PRDM2: variants seen among roughly 807,000 people sequenced by gnomAD.
PRDM2 encodes PR/SET domain 2, also known as PR domain zinc finger protein 2.
A neutral mutation model predicts 130.0 loss-of-function variants in PRDM2; 30 were observed. That is an observed-to-expected ratio of 0.23 (90% CI 0.17 to 0.31). PRDM2 has a LOEUF of 0.31. PRDM2 is among the 10% of genes least tolerant of loss of function. The pLI, the probability that PRDM2 is intolerant of heterozygous loss-of-function variation, is 1.00. For synonymous variants in PRDM2, 871 were observed against 782.4 expected (o/e 1.11, Z -1.89); for missense variants, 2,011 against 2,108.4 (o/e 0.95, Z 0.90).
chr1:13,808,516 G>A (rs1645121619), intron 8 of PRDM2, among the ~76,000 whole-genome samples: 1 of 149,828 alleles, frequency 6.7e-6, no homozygotes, highest in Non-Finnish European at 1.5e-5. Flanking sequence ...ACCCTTTCTT[G>A]ATGTCTAGGA....
intron 1 of PRDM2, among the ~76,000 whole-genome samples, chr1:13,702,509 G>A (rs1000353123): frequency 3.3e-5 from 5 of 152,048 alleles, no homozygotes; most frequent in Admixed American, 6.5e-5. Flanking sequence ...TTTTTCTTGC[G>A]GGTGCAGTCA....
chr1:13,702,005 C>G (rs142582051), intron 1 of PRDM2, among the ~76,000 whole-genome samples: 42 of 152,174 alleles, frequency 2.8e-4, no homozygotes, highest in African/African-American at 1.0e-3. Context: ...CAAAACATAA[C>G]AAAAGATTCT....
At chr1:13,769,725 T>C (rs562108469) in intron 6 of PRDM2, among the ~76,000 whole-genome samples, 1 of 152,306 alleles carries the variant, frequency 6.6e-6, no homozygotes, top group East Asian at 1.9e-4. Context: ...TTTAGTTTGG[T>C]GGTAAATTTA....
rs912171622 is a variant in PRDM2 at position 13,824,074 on chromosome 1, C to G, written c.*939C>G. ...GGGGAAGAAGAAGAGATTTCGGAGG[C>G]CATCCTGCCAGGGGCGGACGGGGCT... On this transcript the variant is annotated 3_prime_UTR_variant, in exon 10 of 10. Transcript: ENST00000311066. The G allele has an allele frequency of 1.3e-5, 2 of 152,730 alleles. No individual in the cohort carries two copies. Among genetic ancestry groups the G allele is most frequent in the African/African-American group, 4.8e-5 (2 of 41,552 alleles). 9.5% of individuals were successfully genotyped at this position (152,730 alleles called of 1,614,324 possible).
Position 13,806,927 on chromosome 1 carries a change from G to C in PRDM2, c.5037-9500G>C, listed in dbSNP as rs1402249432. On this transcript the variant is annotated intron_variant, in intron 8 of 9. Transcript: ENST00000311066. The surrounding 1 kb of genome is among the most constrained non-coding windows in gnomAD (Gnocchi z 4.1). ...CACTTCCTGGAACGCACAAGGCGTA[G>C]TATCCGGACCGATTGATCCCCCCAC... Among the ~76,000 whole-genome samples, 3 of 152,114 alleles carry C rather than the reference G, an allele frequency of 2.0e-5. No homozygotes were observed. Among genetic ancestry groups the C allele is most frequent in the Admixed American group, 1.3e-4 (2 of 15,280 alleles).
rs772348241 is a variant in PRDM2, at chr1:13,779,720, C to G, written c.1925C>G (p.Ala642Gly). The G allele has an allele frequency of 6.2e-7, 1 of 1,613,974 alleles. No individual in the cohort carries two copies. The highest frequency in any genetic ancestry group is 1.1e-5 in the South Asian group (1 of 91,048). Residue 642 changes from alanine to glycine, a missense_variant, in exon 8 of 10, where the codon GCG becomes GGG. This residue lies in a region of PRDM2 where 1,288 missense variants were observed against 1,237.7 expected (regional missense o/e 1.04). Coordinates refer to ENST00000311066, the MANE Select transcript of PRDM2 (RefSeq NM_001393986.1). The surrounding 1 kb of genome is among the most constrained non-coding windows in gnomAD (Gnocchi z 4.9). The part of the protein sequence containing the change: ...TNSEAKKRRT[A>G]SPPALPKIKA... ...AGTGAGGCCAAGAAGCGGAGAACTGCGAGCCCACCTGCACTGCCCAAAATT... is the reference window on the plus strand; with the variant it reads ...AGTGAGGCCAAGAAGCGGAGAACTGGGAGCCCACCTGCACTGCCCAAAATT...
chr1:13,723,439 C>G (rs1329572663), intron 2 of PRDM2, among the ~76,000 whole-genome samples: 1 of 152,134 alleles, frequency 6.6e-6, no homozygotes, highest in Non-Finnish European at 1.5e-5. Context: ...ATTGGAGATT[C>G]CTGAATAACT....
intron 6 of PRDM2, among the ~76,000 whole-genome samples, chr1:13,763,727 A>G (rs1644158542): frequency 6.6e-6 from 1 of 152,204 alleles, no homozygotes; most frequent in Non-Finnish European, 1.5e-5. Flanking sequence ...CTTTATGAAA[A>G]ATCATGTATT....
chr1:13,796,226 G>A (rs1225821365), intron 8 of PRDM2, among the ~76,000 whole-genome samples: 1 of 152,172 alleles, frequency 6.6e-6, no homozygotes, highest in Non-Finnish European at 1.5e-5. Context: ...TGAGAAGAGC[G>A]TACTCCTCAA....
At chr1:13,772,217 A>C (rs1293516747) in intron 6 of PRDM2, 1 of 152,180 alleles carries the variant, frequency 6.6e-6, no homozygotes, top group Admixed American at 6.5e-5. Context: ...GAAATCTGGT[A>C]ATTAAAAAAT....
chr1:13,817,253 CA>C (rs1038791886), intron 9 of PRDM2, among the ~76,000 whole-genome samples: 1 of 151,604 alleles, frequency 6.6e-6, no homozygotes, highest in African/African-American at 2.4e-5. Context: ...TTCCAAAATC[CA>C]AAAAAAATCC....
chr1:13,799,065 A>G (rs1271806851), intron 8 of PRDM2, among the ~76,000 whole-genome samples: 2 of 152,136 alleles, frequency 1.3e-5, no homozygotes, highest in East Asian at 3.9e-4. Context: ...AAACACAAGC[A>G]CTCCAGGCAA....
At chr1:13,789,531 T>C (rs1027860979) in intron 8 of PRDM2, among the ~76,000 whole-genome samples, 2 of 152,194 alleles carry the variant, frequency 1.3e-5, no homozygotes, top group Admixed American at 6.5e-5. Flanking sequence ...CCCCAGAGGC[T>C]AGGTGGACAA....
intron 8 of PRDM2, among the ~76,000 whole-genome samples, chr1:13,810,791 G>C (rs1645161047): frequency 1.3e-5 from 2 of 152,060 alleles, no homozygotes; most frequent in African/African-American, 4.8e-5. Flanking sequence ...ACCGCACCTG[G>C]CTGAAAGCTT....
intron 1 of PRDM2, among the ~76,000 whole-genome samples, chr1:13,706,971 TA>T (rs571158647): frequency 1.2e-3 from 173 of 140,158 alleles, no homozygotes; most frequent in Non-Finnish European, 1.4e-3. Flanking sequence ...CTACCAAAAC[TA>T]AAAAAAAAAA....
At chr1:13,730,345 T>TA (rs545170025) in intron 2 of PRDM2, among the ~76,000 whole-genome samples, 1 of 152,296 alleles carries the variant, frequency 6.6e-6, no homozygotes, top group African/African-American at 2.4e-5. Flanking sequence ...ATAAATAATT[T>TA]AAAAAAATTC....
chr1:13,776,469 C>CT (rs1461245196), intron 7 of PRDM2, among the ~76,000 whole-genome samples: 1 of 152,230 alleles, frequency 6.6e-6, no homozygotes, highest in Non-Finnish European at 1.5e-5. Flanking sequence ...CAGCTTCCGT[C>CT]TTTAAGAATC....
intron 4 of PRDM2, among the ~76,000 whole-genome samples, chr1:13,733,359 A>G (rs564717410): frequency 2.0e-4 from 31 of 152,336 alleles, no homozygotes; most frequent in Admixed American, 1.3e-3. Context: ...GGAGTTTTTC[A>G]TCTATTAATT....
At chr1:13,707,167 A>G (rs1349255559) in intron 1 of PRDM2, among the ~76,000 whole-genome samples, 1 of 152,154 alleles carries the variant, frequency 6.6e-6, no homozygotes, top group Non-Finnish European at 1.5e-5. Flanking sequence ...TGGAAAATGA[A>G]AAGAGCTTCG....
Sources: gnomAD v4.1 joint callset for allele counts (sites outside exome capture counted in the v4.1 genomes callset) on GRCh38, gnomAD v4.1.1 for gene constraint, gnomAD v4.1.1 regional missense constraint, Gnocchi (gnomAD v3.1) non-coding constraint, MANE v1.5 for transcripts, NCBI Gene and HGNC (gene_info 2026-07-23, HGNC 2026-07-21) for gene names.